Variants in TXNRD1 observed in about 807,000 individuals in gnomAD.
The protein encoded by TXNRD1 is thioredoxin reductase 1.
In TXNRD1, 57 loss-of-function variants were observed where a neutral mutation model predicts 80.3. The ratio of observed to expected loss-of-function variants is 0.71; its 90% CI spans 0.57 to 0.89. The LOEUF (loss-of-function observed/expected upper bound fraction) is 0.89. Among genes scored for constraint, TXNRD1 ranks in the 40% least tolerant of loss-of-function variants. TXNRD1 has a pLI of 0.00. For missense variants in TXNRD1, 730 were observed against 803.0 expected (o/e 0.91, Z 1.10); for synonymous variants, 291 against 285.2 (o/e 1.02, Z -0.20).
At chr12:104,324,445 G>A (rs34215591) in intron 10 of TXNRD1, among the ~76,000 whole-genome samples, 10 of 146,238 alleles carry the variant, frequency 6.8e-5, no homozygotes, top group Admixed American at 2.1e-4. Context: ...TCCGCCTCCC[G>A]GGTTCACGCC....
chr12:104,341,990 G>A (rs1055646212), intron 16 of TXNRD1, among the ~76,000 whole-genome samples: 1 of 152,190 alleles, frequency 6.6e-6, no homozygotes, highest in Admixed American at 6.5e-5. Flanking sequence ...ACAGGGCAAG[G>A]TGGTTGTGGG....
rs751564436 is a variant in TXNRD1, at chr12:104,313,248, G to A, written c.541G>A (p.Ala181Thr). Residue 181 changes from alanine (A) to threonine (T), a missense_variant, in exon 6 of 17, where the codon GCA (alanine) becomes ACA (threonine). Physicochemically the swap from Ala to Thr is moderately conservative, Grantham distance 58. Coordinates refer to ENST00000525566, the MANE Select transcript of TXNRD1 (RefSeq NM_001093771.3). The part of the protein sequence containing the change: ...GSGGLAAAKE[A>T]AQYGKKVMVL... ...CTTTAATAATTTTATTTTCCAGGAGGCAGCCCAATATGGCAAGAAGGTGAT... is the reference window on the plus strand; with the variant it reads ...CTTTAATAATTTTATTTTCCAGGAGACAGCCCAATATGGCAAGAAGGTGAT... 7.6e-6 allele frequency: 12 copies of A among 1,581,530 alleles called. No homozygotes were observed. Among genetic ancestry groups the A allele is most frequent in the Non-Finnish European group, 1.0e-5 (12 of 1,162,098 alleles).
In TXNRD1 at chr12:104,315,905, G is replaced by A; in HGVS notation, c.730+9G>A. The A allele has an allele frequency of 6.2e-7, 1 of 1,606,632 alleles. No individual in the cohort carries two copies. Among genetic ancestry groups the A allele is most frequent in the Non-Finnish European group, 8.5e-7 (1 of 1,175,318 alleles). On this transcript the variant is annotated intron_variant, in intron 7 of 16. Transcript: ENST00000525566. ...GAAAGTCGAGGAGACAGGTATGAGA[G>A]GGAAAAGCTACTCTTCTGTTTGTGC...
chr12:104,308,342 A>G (rs2035006699), intron 4 of TXNRD1, among the ~76,000 whole-genome samples: 3 of 152,168 alleles, frequency 2.0e-5, no homozygotes, highest in Admixed American at 1.3e-4. Flanking sequence ...GAAGTTTTCC[A>G]GAGGTTATAT....
chr12:104,219,884 C>G (rs774859569), intron 1 of TXNRD1, among the ~76,000 whole-genome samples: 4 of 151,864 alleles, frequency 2.6e-5, no homozygotes, highest in Admixed American at 6.6e-5. Context: ...TTTCAAAGTG[C>G]GGTCCTAAGA....
At chr12:104,221,591 T>G (rs1262536417) in intron 1 of TXNRD1, among the ~76,000 whole-genome samples, 1 of 152,212 alleles carries the variant, frequency 6.6e-6, no homozygotes, top group Non-Finnish European at 1.5e-5. Flanking sequence ...GTGCTGAGAT[T>G]ATAGGCATGA....
intron 8 of TXNRD1, 124 bp from the exon 9 acceptor site, chr12:104,319,345 CT>C (rs2035448847): frequency 2.9e-6 from 2 of 698,886 alleles, no homozygotes; most frequent in Admixed American, 5.9e-5. Flanking sequence ...ATCCTTTTTA[CT>C]ATATTATTGT....
chr12:104,230,582 T>C (rs11111937), intron 1 of TXNRD1, among the ~76,000 whole-genome samples: 31,993 of 152,172 alleles, frequency 0.21, 3,518 homozygotes, highest in Middle Eastern at 0.28. Context: ...ATGTTGAGCA[T>C]ATTTTCATGT....
chr12:104,286,379 C>T (rs958390368), intron 3 of TXNRD1, among the ~76,000 whole-genome samples: 12 of 152,114 alleles, frequency 7.9e-5, no homozygotes, highest in African/African-American at 2.9e-4. Context: ...AAATACCAAA[C>T]TTAGAATCTA....
intron 2 of TXNRD1, among the ~76,000 whole-genome samples, chr12:104,257,375 T>G (rs1456249492): frequency 6.6e-6 from 1 of 151,000 alleles, no homozygotes; most frequent in Non-Finnish European, 1.5e-5. Flanking sequence ...TGCCACATAA[T>G]GCTTTGGAAA....
chr12:104,267,296 G>T (rs375110095), intron 3 of TXNRD1, among the ~76,000 whole-genome samples: 574 of 6,018 alleles, frequency 0.095, no homozygotes, highest in East Asian at 0.27. Flanking sequence ...CTTTCTGTCT[G>T]TCTGTCTGTC....
Position 104,303,911 on chromosome 12 carries a change from T to C in TXNRD1, c.415-7379T>C, listed in dbSNP as rs150186599. ...CCCCGGTAGCGAGTACGCGGCGAAG[T>C]AGGCGGCGGCGGAGGGAGCGCTGAT... On this transcript the variant is annotated intron_variant, in intron 4 of 16. Coordinates refer to ENST00000525566, the MANE Select transcript of TXNRD1 (RefSeq NM_001093771.3). 1,845 of 1,559,998 alleles carry C rather than the reference T, an allele frequency of 1.2e-3. 20 individuals carry two copies. In the African/African-American group the frequency reaches 0.021, roughly 18 times the overall value.
chr12:104,325,154 G>A (rs1353945565), intron 10 of TXNRD1, among the ~76,000 whole-genome samples, 183 bp from the exon 11 acceptor site: 1 of 152,136 alleles, frequency 6.6e-6, no homozygotes, highest in Non-Finnish European at 1.5e-5. Context: ...ACATTGAGCA[G>A]CGAAAAAGAA....
chr12:104,327,659 T>C lies in TXNRD1; in HGVS notation c.1530T>C (p.Gly510=). Residue 510 remains glycine (G), a synonymous_variant, in exon 13 of 17, where the codon GGT becomes GGC. Coordinates refer to ENST00000525566, the MANE Select transcript of TXNRD1 (RefSeq NM_001093771.3). ...GRLLAQRLYA[G]STVKCDYENV... ...TGCTGGCTCAGAGGCTCTATGCAGGTTCCACTGTCAAGGTGAGTGTTGTGC... is the reference window on the plus strand; with the variant it reads ...TGCTGGCTCAGAGGCTCTATGCAGGCTCCACTGTCAAGGTGAGTGTTGTGC... 6.2e-7 allele frequency: 1 copy of C among 1,613,556 alleles called. No homozygotes were observed. Among genetic ancestry groups the C allele is most frequent in the South Asian group, 1.1e-5 (1 of 91,022 alleles).
At chr12:104,302,077 T>A (rs1360384096) in intron 4 of TXNRD1, among the ~76,000 whole-genome samples, 1 of 152,224 alleles carries the variant, frequency 6.6e-6, no homozygotes, top group African/African-American at 2.4e-5. Flanking sequence ...AGCTTTTGTT[T>A]TTGAGAAGCC....
At chr12:104,286,806 T>G in intron 3 of TXNRD1, 1 of 1,024,966 alleles carries the variant, frequency 9.8e-7, no homozygotes, top group Non-Finnish European at 1.2e-6. Flanking sequence ...AAATTGTTTT[T>G]GCTCTGTTCT....
At chr12:104,258,613 C>G (rs376716994) in intron 3 of TXNRD1, among the ~76,000 whole-genome samples, 1 of 152,104 alleles carries the variant, frequency 6.6e-6, no homozygotes, top group Non-Finnish European at 1.5e-5. Context: ...ATCCCAAGGG[C>G]TCACAGACAA....
rs562880955 is a variant in TXNRD1 at position 104,289,132 on chromosome 12, G to GACCC, written c.414+93_414+96dup. ...TGCCTTTTAAAGCCAGCGTGGATGTGACCCTCCAAACGGGACGCAGCGCTG... is the reference window on the plus strand; with the variant it reads ...TGCCTTTTAAAGCCAGCGTGGATGTGACCCACCCTCCAAACGGGACGCAGCGCTG... On this transcript the variant is annotated intron_variant, in intron 4 of 16. Coordinates refer to ENST00000525566, the MANE Select transcript of TXNRD1 (RefSeq NM_001093771.3). The GACCC allele has an allele frequency of 6.1e-4, 890 of 1,468,728 alleles. 7 individuals are homozygous for GACCC. In the Middle Eastern group the frequency reaches 0.016, roughly 27 times the overall value. The allele number at this position is 1,468,728 out of a possible 1,614,324, so 91.0% of individuals were successfully genotyped here. A position where few individuals can be genotyped will look rare whatever the true frequency, so the allele number is the denominator to read the frequency against.
intron 1 of TXNRD1, among the ~76,000 whole-genome samples, chr12:104,231,551 G>A (rs1045781702): frequency 2.6e-5 from 4 of 152,282 alleles, no homozygotes; most frequent in African/African-American, 4.8e-5. Context: ...GTAGCCACCC[G>A]GGGCTGAAGC....
Sources: gnomAD v4.1 joint callset for allele counts (sites outside exome capture counted in the v4.1 genomes callset) on GRCh38, gnomAD v4.1.1 for gene constraint, MANE v1.5 for transcripts, NCBI Gene and HGNC (gene_info 2026-07-23, HGNC 2026-07-21) for gene names.